The following PDE3A variants were observed in gnomAD, a reference collection of about 807,000 sequenced individuals.
The protein encoded by PDE3A is cGMP-inhibited 3',5'-cyclic phosphodiesterase 3A.
Under a neutral mutation model 98.3 loss-of-function variants are expected in PDE3A, and 43 were observed. The observed-to-expected ratio is 0.44, with a 90% CI of 0.34 to 0.56. PDE3A has a LOEUF of 0.56. Ranked by LOEUF, PDE3A falls within the 20% of genes least tolerant of loss-of-function variation. The probability of loss-of-function intolerance (pLI) is 0.01; values close to 1 mark genes in which losing one functional copy is unlikely to be tolerated. For missense variants in PDE3A, 1,427 were observed against 1,440.7 expected (o/e 0.99, Z 0.15); for synonymous variants, 663 against 567.9 (o/e 1.17, Z -2.38).
intron 15 of PDE3A, among the ~76,000 whole-genome samples, chr12:20,667,696 T>A (rs538021102): frequency 1.3e-5 from 2 of 152,178 alleles, no homozygotes; most frequent in African/African-American, 2.4e-5. Context: ...TGAAGTCAGG[T>A]AGTGTGGTGC....
chr12:20,679,884 TATATATAATAATATATATATAA>T (rs1240974450), intron 15 of PDE3A, 124 bp from the exon 16 acceptor site: 1 of 105,188 alleles, frequency 9.5e-6, no homozygotes, highest in East Asian at 2.4e-4. Flanking sequence ...ATATATATTA[TATATATAATAATATATATATAA>T]TATAATATAA....
At chr12:20,486,280 C>T (rs1489350476) in intron 1 of PDE3A, among the ~76,000 whole-genome samples, 1 of 152,054 alleles carries the variant, frequency 6.6e-6, no homozygotes, top group South Asian at 2.1e-4. Context: ...GCACCTTCTT[C>T]GCAAGGTGGC....
intron 1 of PDE3A, among the ~76,000 whole-genome samples, chr12:20,468,642 C>G (rs997205731): frequency 1.3e-5 from 2 of 152,148 alleles, no homozygotes; most frequent in African/African-American, 4.8e-5. Flanking sequence ...ATACGCAGCT[C>G]CAAGCATGCC....
Position 20,648,751 on chromosome 12 carries a change from T to C in PDE3A, c.2629T>C (p.Phe877Leu). Residue 877 changes from phenylalanine to leucine, a missense_variant, in exon 13 of 16, where the codon TTC becomes CTC. Physicochemically the swap from Phe to Leu is conservative, Grantham distance 22. This residue lies in a region of PDE3A where 273 missense variants were observed against 420.3 expected (regional missense o/e 0.65). Coordinates refer to ENST00000359062, the MANE Select transcript of PDE3A (RefSeq NM_000921.5). ...TCACGCAGCTGCTGCATGGAATCTT[T>C]TCATGTCCCGGCCAGAGTATAACTT... The part of the protein sequence containing the change: ...NHHAAAAWNL[F>L]MSRPEYNFLI... 2 of 1,613,394 alleles carry C rather than the reference T, an allele frequency of 1.2e-6. No homozygotes were observed. The highest frequency in any genetic ancestry group is 1.7e-6 in the Non-Finnish European group (2 of 1,179,358).
chr12:20,428,071 T>C (rs888368435), intron 1 of PDE3A, among the ~76,000 whole-genome samples: 13 of 152,116 alleles, frequency 8.5e-5, no homozygotes, highest in Non-Finnish European at 1.9e-4. Context: ...ATTTAAGGAA[T>C]TGTTTCTATA....
In PDE3A at chr12:20,375,376, A is replaced by G. The variant is rs145864393; in HGVS notation, c.960+5132A>G. 3.8e-3 allele frequency among the ~76,000 whole-genome samples: 574 copies of G among 152,070 alleles called. 3 individuals are homozygous for G. Among genetic ancestry groups the G allele is most frequent in the East Asian group, 0.026 (134 of 5,172 alleles). ...TGTTTGTTTTTTTAGTAAGGCTACT[A>G]TGGAATTGTTTTAACTTTGAACTGA... is the stretch of plus-strand genomic sequence containing the variant. On this transcript the variant is annotated intron_variant, in intron 1 of 15. Coordinates refer to ENST00000359062, the MANE Select transcript of PDE3A (RefSeq NM_000921.5).
Position 20,552,454 on chromosome 12 carries a change from G to A in PDE3A, c.961-4206G>A. 1 of 1,612,832 alleles carries A rather than the reference G, an allele frequency of 6.2e-7. No homozygotes were observed. The highest frequency in any genetic ancestry group is 1.1e-5 in the South Asian group (1 of 91,016). ...GCTGGGGCTGACCATGCAGTATCCA[G>A]AAGGCTACCTGGAAGCCCTGGCCAA... On this transcript the variant is annotated intron_variant, in intron 1 of 15. Transcript: ENST00000359062. This position sits in a 1 kb window ranked among gnomAD's most constrained non-coding sequence, Gnocchi z 5.1.
intron 1 of PDE3A, among the ~76,000 whole-genome samples, chr12:20,532,782 G>C (rs894946987): frequency 6.6e-6 from 1 of 150,762 alleles, no homozygotes; most frequent in East Asian, 2.0e-4. Context: ...TCCGCCTCCC[G>C]GGTTCACGCC....
chr12:20,581,332 T>G (rs186115394), intron 2 of PDE3A, among the ~76,000 whole-genome samples: 2 of 152,280 alleles, frequency 1.3e-5, no homozygotes, highest in African/African-American at 2.4e-5. Context: ...TTTGGTTTTG[T>G]TTTGTTTTGC....
Position 20,578,019 on chromosome 12 carries a change from CGTTACAT to C in PDE3A, c.1011+21313_1011+21319del, listed in dbSNP as rs143270213. On this transcript the variant is annotated intron_variant, in intron 2 of 15. Transcript: ENST00000359062. ...AGTCCTGTGAGAATTCCACTCATTTCGTTACATGTTCCAGGGAGAAACTGGATAGGTT... is the reference window on the plus strand; with the variant it reads ...AGTCCTGTGAGAATTCCACTCATTTCGTTCCAGGGAGAAACTGGATAGGTT... 7.2e-5 allele frequency among the ~76,000 whole-genome samples: 11 copies of C among 152,120 alleles called. No individual in the cohort carries two copies. In the East Asian group the frequency reaches 2.1e-3, roughly 29 times the overall value.
At position 20,682,255 on chromosome 12, in the gene PDE3A, A is replaced by G. The variant is rs1390121462; in HGVS notation, c.*1984A>G. On this transcript the variant is annotated 3_prime_UTR_variant, in exon 16 of 16. Transcript: ENST00000359062. ...TTATGATTCTTCCTTGAGTACTTAT[A>G]TACAGACCTGCTCATTATCTAAACA... 1 of 152,202 alleles carries G rather than the reference A, an allele frequency of 6.6e-6. No individual in the cohort carries two copies. The highest frequency in any genetic ancestry group is 1.5e-5 in the Non-Finnish European group (1 of 68,030). The allele number at this position is 152,202 out of a possible 1,614,324, so 9.4% of individuals were successfully genotyped here.
At chr12:20,407,915 A>G (rs1399701601) in intron 1 of PDE3A, among the ~76,000 whole-genome samples, 1 of 151,794 alleles carries the variant, frequency 6.6e-6, no homozygotes, top group Non-Finnish European at 1.5e-5. Flanking sequence ...TGTATTTTCT[A>G]TTTTTATTTA....
Position 20,634,874 on chromosome 12 carries a change from G to C in PDE3A, c.1847-28G>C, listed in dbSNP as rs372146915. ...GCCCCCTTTCCCCATTGTAGATCTT[G>C]TAATAAGTTGTTCTCTTTTAATTGT... On this transcript the variant is annotated intron_variant, in intron 7 of 15. Coordinates refer to ENST00000359062, the MANE Select transcript of PDE3A (RefSeq NM_000921.5). 2.5e-4 allele frequency: 397 copies of C among 1,575,014 alleles called. 2 individuals carry two copies. Among genetic ancestry groups the C allele is most frequent in the Non-Finnish European group, 3.4e-4 (386 of 1,145,828 alleles).
rs547767655 is a variant in PDE3A, at chr12:20,599,952, T to G, written c.1012-13491T>G. Among the ~76,000 whole-genome samples, 13 of 152,320 alleles carry G rather than the reference T, an allele frequency of 8.5e-5. No homozygotes were observed. In the East Asian group the frequency reaches 2.3e-3, roughly 27 times the overall value. On this transcript the variant is annotated intron_variant, in intron 2 of 15. Transcript: ENST00000359062. ...TAAACTCATAAACATTTTTCAAGAT[T>G]TACTAATCTCTCAAACACTGATCCA...
At chr12:20,676,470 C>T (rs1282580111) in intron 15 of PDE3A, among the ~76,000 whole-genome samples, 1 of 145,702 alleles carries the variant, frequency 6.9e-6, no homozygotes, top group Non-Finnish European at 1.5e-5. Flanking sequence ...TTTTCTTTTG[C>T]TGTTTTTAGA....
chr12:20,434,832 AT>A (rs920944172), intron 1 of PDE3A, among the ~76,000 whole-genome samples: 6 of 152,128 alleles, frequency 3.9e-5, no homozygotes, highest in African/African-American at 1.4e-4. Context: ...TTGGGATCAT[AT>A]TTTTTCAGAT....
At chr12:20,596,879 A>T (rs1214258324) in intron 2 of PDE3A, among the ~76,000 whole-genome samples, 2 of 151,900 alleles carry the variant, frequency 1.3e-5, no homozygotes, top group Non-Finnish European at 2.9e-5. Context: ...GTGTTTATTT[A>T]AAAAAAATAC....
rs550315688 is a variant in PDE3A, at chr12:20,552,423, C to G, written c.961-4237C>G. On this transcript the variant is annotated intron_variant, in intron 1 of 15. Coordinates refer to ENST00000359062, the MANE Select transcript of PDE3A (RefSeq NM_000921.5). This position sits in a 1 kb window ranked among gnomAD's most constrained non-coding sequence, Gnocchi z 5.1. ...GGACGAAGGAGGGGAAGGACCGGAT[C>G]AAGAAGCTGGGGCTGACCATGCAGT... 25 of 1,612,854 alleles carry G rather than the reference C, an allele frequency of 1.6e-5. No homozygotes were observed. In the African/African-American group the frequency reaches 2.3e-4, roughly 15 times the overall value.
chr12:20,444,760 G>A (rs1422715370), intron 1 of PDE3A, among the ~76,000 whole-genome samples: 3 of 152,166 alleles, frequency 2.0e-5, no homozygotes, highest in South Asian at 2.1e-4. Context: ...CATGCCTGGT[G>A]CACTAAAACT....
Sources: allele counts gnomAD v4.1 joint callset (sites outside exome capture counted in the v4.1 genomes callset), GRCh38; gene constraint gnomAD v4.1.1; regional missense constraint gnomAD v4.1.1; non-coding constraint Gnocchi (gnomAD v3.1); transcripts MANE v1.5; gene names NCBI Gene and HGNC (gene_info 2026-07-23, HGNC 2026-07-21).